Variants in DYNLRB2 observed in about 807,000 individuals in gnomAD.
The protein encoded by DYNLRB2 is bithoraxoid-like protein.
DYNLRB2 carries 14 observed loss-of-function variants against 12.6 expected under a neutral mutation model. The observed-to-expected ratio is 1.11, with a 90% CI of 0.73 to 1.73. The LOEUF (loss-of-function observed/expected upper bound fraction) is 1.73, where lower values mean the gene tolerates loss of function less well. Ranked by LOEUF, DYNLRB2 falls within the 40% of genes most tolerant of loss-of-function variation. The pLI, the probability that DYNLRB2 is intolerant of heterozygous loss-of-function variation, is 0.00. For synonymous variants in DYNLRB2, 53 were observed against 37.0 expected (o/e 1.43, Z -1.57); for missense variants, 142 against 117.7 (o/e 1.21, Z -0.95).
intron 3 of DYNLRB2, among the ~76,000 whole-genome samples, chr16:80,549,965 G>A (rs982061660): frequency 2.0e-5 from 3 of 152,296 alleles, no homozygotes; most frequent in African/African-American, 7.2e-5. Flanking sequence ...TGGGAGAAAT[G>A]TTCCCTGTCC....
chr16:80,541,500 T>A, intron 1 of DYNLRB2: 1 of 591,462 alleles, frequency 1.7e-6, no homozygotes, highest in African/African-American at 2.1e-5. Context: ...AATGGAAGGG[T>A]GAGAAGGGAA....
upstream of DYNLRB2, chr16:80,540,897 G>A (rs1359448422): frequency 4.5e-6 from 5 of 1,105,398 alleles, no homozygotes; most frequent in Middle Eastern, 1.9e-4. Context: ...CGCCTACGGC[G>A]GCCGGGAGGC....
chr16:80,542,940 G>C (rs1433446034), intron 1 of DYNLRB2, among the ~76,000 whole-genome samples: 1 of 152,206 alleles, frequency 6.6e-6, no homozygotes, highest in Non-Finnish European at 1.5e-5. Flanking sequence ...ATGAATGAAA[G>C]ATAATCTGGG....
At chr16:80,541,806 C>A (rs1003486960) in intron 1 of DYNLRB2, among the ~76,000 whole-genome samples, 8 of 152,112 alleles carry the variant, frequency 5.3e-5, no homozygotes, top group African/African-American at 1.9e-4. Flanking sequence ...GACACAGTGG[C>A]TGTAAGAAGC....
intron 2 of DYNLRB2, chr16:80,548,849 T>A: frequency 2.3e-6 from 1 of 433,560 alleles, no homozygotes; most frequent in Non-Finnish European, 4.7e-6. Flanking sequence ...TTTTCTAACA[T>A]AAAACTTAAG....
At chr16:80,540,824 A>AC, upstream of DYNLRB2, 1 of 715,062 alleles carries the variant, frequency 1.4e-6, no homozygotes, top group Non-Finnish European at 2.5e-6. Context: ...CCCTCCCGGG[A>AC]CCCACTGCTC....
At chr16:80,548,900 C>G in intron 2 of DYNLRB2, 1 of 455,874 alleles carries the variant, frequency 2.2e-6, no homozygotes, top group South Asian at 1.5e-5. Context: ...TTGATGTACC[C>G]TCTAGCATGT....
intron 2 of DYNLRB2, chr16:80,547,616 C>A (rs2142312673): frequency 5.7e-6 from 2 of 352,434 alleles, no homozygotes; most frequent in South Asian, 4.4e-5. Context: ...ATAATTTATT[C>A]TGGTTGTATT....
chr16:80,541,208 C>T (rs1055683892), intron 1 of DYNLRB2, 129 bp downstream of exon 1: 13 of 1,450,018 alleles, frequency 9.0e-6, no homozygotes, highest in Admixed American at 2.8e-5. Context: ...CTGGTGGCTC[C>T]AGGATCTTCC....
intron 3 of DYNLRB2, 106 bp from the exon 4 acceptor site, chr16:80,550,409 C>A: frequency 7.5e-7 from 1 of 1,341,670 alleles, no homozygotes; most frequent in South Asian, 1.2e-5. Context: ...AACCATCTGT[C>A]TGCACAAGGT....
intron 2 of DYNLRB2, among the ~76,000 whole-genome samples, chr16:80,548,660 T>C (rs1485344674): frequency 6.7e-6 from 1 of 150,318 alleles, no homozygotes; most frequent in East Asian, 1.9e-4. Context: ...AGGCAGAGGT[T>C]GCAATGAGCC....
intron 1 of DYNLRB2, chr16:80,541,408 G>C (rs1329868339): frequency 2.0e-6 from 2 of 984,480 alleles, no homozygotes; most frequent in Non-Finnish European, 2.4e-6. Flanking sequence ...AGTTTCCAAA[G>C]AGGGGGCGGG....
chr16:80,541,038 G>C lies in DYNLRB2; in HGVS notation c.-39G>C, dbSNP rs1904283369. 6.2e-7 allele frequency: 1 copy of C among 1,604,068 alleles called. No homozygotes were observed. The highest frequency in any genetic ancestry group is 1.3e-5 in the African/African-American group (1 of 74,792). On this transcript the variant is annotated 5_prime_UTR_variant, in exon 1 of 4. Transcript: ENST00000305904. ...AGCGTTGTTGACATCCCGGGAGGCT[G>C]TGCCGCCGGCCTGAGCCCAGAGTTT... is the stretch of plus-strand genomic sequence containing the variant.
At chr16:80,548,391 A>C (rs1904612609) in intron 2 of DYNLRB2, among the ~76,000 whole-genome samples, 1 of 152,190 alleles carries the variant, frequency 6.6e-6, no homozygotes, top group African/African-American at 2.4e-5. Flanking sequence ...TTCTGGCTAG[A>C]ATTTTCCACT....
chr16:80,540,846 G>C (rs1909276983), upstream of DYNLRB2: 2 of 754,168 alleles, frequency 2.7e-6, no homozygotes, highest in Non-Finnish European at 4.7e-6. Flanking sequence ...AGGATTGGGC[G>C]AACCTCAGGT....
intron 2 of DYNLRB2, among the ~76,000 whole-genome samples, chr16:80,546,333 G>T (rs529105484): frequency 6.6e-6 from 1 of 152,304 alleles, no homozygotes; most frequent in African/African-American, 2.4e-5. Flanking sequence ...CTAAGATGGT[G>T]TTTTATGTAT....
intron 3 of DYNLRB2, among the ~76,000 whole-genome samples, chr16:80,550,290 A>G (rs1341283747): frequency 6.6e-6 from 1 of 152,190 alleles, no homozygotes; most frequent in Admixed American, 6.5e-5. Context: ...AATTTTTTCC[A>G]TTCCTGGGAC....
intron 2 of DYNLRB2, among the ~76,000 whole-genome samples, chr16:80,544,275 G>A (rs746110130): frequency 6.6e-6 from 1 of 152,204 alleles, no homozygotes; most frequent in South Asian, 2.1e-4. Context: ...TAATTGTTGA[G>A]TGCTTGGCAT....
chr16:80,547,933 T>C, intron 2 of DYNLRB2: 1 of 355,594 alleles, frequency 2.8e-6, no homozygotes, highest in South Asian at 2.1e-5. Context: ...GACATAGCAG[T>C]TATCTTAAAA....
Sources: allele counts gnomAD v4.1 joint callset (sites outside exome capture counted in the v4.1 genomes callset), GRCh38; gene constraint gnomAD v4.1.1; transcripts MANE v1.5; gene names NCBI Gene and HGNC (gene_info 2026-07-23, HGNC 2026-07-21).